The following RGPD8 variants were observed in gnomAD, a reference collection of about 807,000 sequenced individuals.
RGPD8 encodes the protein RANBP2 like and GRIP domain containing 8, also known as RANBP2-like and GRIP domain-containing protein 8.
In RGPD8, 15 loss-of-function variants were observed where a neutral mutation model predicts 89.1. That is an observed-to-expected ratio of 0.17 (90% CI 0.11 to 0.26). RGPD8 has a LOEUF of 0.26. Ranked by LOEUF, RGPD8 falls within the 10% of genes least tolerant of loss-of-function variation. RGPD8 has a pLI of 1.00. For synonymous variants in RGPD8, 62 were observed against 420.9 expected (o/e 0.15, Z 10.44); for missense variants, 178 against 1,179.6 (o/e 0.15, Z 12.44).
chr2:112,423,689 G>A (rs1167950559), intron 2 of RGPD8, among the ~76,000 whole-genome samples: 1 of 147,042 alleles, frequency 6.8e-6, no homozygotes, highest in Non-Finnish European at 1.5e-5. Context: ...GCCGGAGCAA[G>A]AGAGACAGAT....
intron 6 of RGPD8, among the ~76,000 whole-genome samples, chr2:112,415,950 C>CCTA (rs1679388266): frequency 6.6e-6 from 1 of 152,144 alleles, no homozygotes; most frequent in Non-Finnish European, 1.5e-5. Flanking sequence ...ATTAGCTGGG[C>CCTA]GTAGTGGTGT....
At chr2:112,405,506 GA>G (rs746932416) in intron 8 of RGPD8, among the ~76,000 whole-genome samples, 14 of 70 alleles carry the variant, frequency 0.2, no homozygotes, top group East Asian at 0.4. Context: ...AAGGAAAAGA[GA>G]AAAGGGAAAA....
chr2:112,370,961 T>C (rs1184826062), intron 22 of RGPD8, among the ~76,000 whole-genome samples: 1 of 149,896 alleles, frequency 6.7e-6, no homozygotes, highest in African/African-American at 2.4e-5. Flanking sequence ...TGAATCAATG[T>C]CTGTTCTTGA....
intron 19 of RGPD8, among the ~76,000 whole-genome samples, chr2:112,390,559 G>A (rs1359518950): frequency 7.0e-6 from 1 of 143,202 alleles, no homozygotes; most frequent in African/African-American, 2.6e-5. Context: ...ATAAGCAGAA[G>A]AGCAAGGGTC....
At chr2:112,390,560 A>G (rs1678658890) in intron 19 of RGPD8, among the ~76,000 whole-genome samples, 1 of 143,398 alleles carries the variant, frequency 7.0e-6, no homozygotes, top group African/African-American at 2.6e-5. Flanking sequence ...TAAGCAGAAG[A>G]GCAAGGGTCT....
chr2:112,431,078 C>G (rs967948744), intron 1 of RGPD8, among the ~76,000 whole-genome samples: 3 of 152,096 alleles, frequency 2.0e-5, no homozygotes, highest in Admixed American at 1.3e-4. Flanking sequence ...ATGGTGAAAC[C>G]CAGTCTCTAC....
chr2:112,429,593 G>C lies in RGPD8; in HGVS notation c.72+3789C>G, dbSNP rs529781754. Among the ~76,000 whole-genome samples the C allele has an allele frequency of 5.0e-3, 757 of 152,018 alleles. 2 individuals are homozygous for C. Among genetic ancestry groups the C allele is most frequent in the Non-Finnish European group, 8.4e-3 (573 of 67,976 alleles). On this transcript the variant is annotated intron_variant, in intron 1 of 22. Coordinates refer to ENST00000302558, the MANE Select transcript of RGPD8 (RefSeq NM_001164463.1). ...CCTGCCTGTAGTCCTAAGTACTCAG[G>C]AAACAGAGGTAGGAGGATCATTTAC... is the stretch of plus-strand genomic sequence containing the variant.
intron 1 of RGPD8, among the ~76,000 whole-genome samples, chr2:112,426,113 C>T (rs1679758199): frequency 6.6e-6 from 1 of 151,942 alleles, no homozygotes; most frequent in Non-Finnish European, 1.5e-5. Flanking sequence ...AGTATATGAT[C>T]TTTTTTCTTT....
At chr2:112,429,178 T>A (rs2104405016) in intron 1 of RGPD8, among the ~76,000 whole-genome samples, 2 of 151,730 alleles carry the variant, frequency 1.3e-5, no homozygotes, top group Middle Eastern at 3.5e-3. Flanking sequence ...CCCAGCACTT[T>A]GGGAGGCTGA....
At chr2:112,408,822 C>G (rs1679050984) in intron 7 of RGPD8, among the ~76,000 whole-genome samples, 1 of 151,868 alleles carries the variant, frequency 6.6e-6, no homozygotes, top group African/African-American at 2.4e-5. Context: ...CAGGCACCCG[C>G]CACCATGCGT....
At chr2:112,382,691 G>C in intron 20 of RGPD8, among the ~76,000 whole-genome samples, 1 of 144,424 alleles carries the variant, frequency 6.9e-6, no homozygotes, top group Non-Finnish European at 1.5e-5. Context: ...AAAATCTATT[G>C]ATTCGGCCTT....
chr2:112,387,839 G>A (rs1678517208), intron 20 of RGPD8, among the ~76,000 whole-genome samples, 185 bp downstream of exon 20: 2 of 145,542 alleles, frequency 1.4e-5, no homozygotes, highest in South Asian at 2.3e-4. Context: ...CTTTAACTAA[G>A]TTCTCTTGCT....
intron 1 of RGPD8, chr2:112,432,417 G>C (rs1312885069): frequency 2.2e-6 from 2 of 907,586 alleles, no homozygotes; most frequent in African/African-American, 3.6e-5. Flanking sequence ...GAGTGGAGTG[G>C]AGCTGGACCC....
intron 4 of RGPD8, among the ~76,000 whole-genome samples, chr2:112,419,239 CTACT>C (rs1486737762): frequency 2.4e-5 from 1 of 40,860 alleles, no homozygotes; most frequent in African/African-American, 9.5e-5. Context: ...TTTACCTTAC[CTACT>C]TAAACTCGTC....
chr2:112,432,940 C>T (rs905020536), intron 1 of RGPD8, among the ~76,000 whole-genome samples: 1 of 145,082 alleles, frequency 6.9e-6, no homozygotes, highest in African/African-American at 2.5e-5. Flanking sequence ...TGACCCCTGA[C>T]CCATCGAGGC....
chr2:112,415,179 C>T (rs1174753438), intron 6 of RGPD8, among the ~76,000 whole-genome samples: 22 of 151,700 alleles, frequency 1.5e-4, no homozygotes, highest in Non-Finnish European at 5.9e-5. Context: ...GTCAGGAGAT[C>T]GAGACCATCC....
At chr2:112,426,507 C>A in intron 1 of RGPD8, among the ~76,000 whole-genome samples, 1 of 149,006 alleles carries the variant, frequency 6.7e-6, no homozygotes, top group Non-Finnish European at 1.5e-5. Flanking sequence ...TAAGTAAAAC[C>A]ACGTAAGGCA....
chr2:112,370,088 A>T lies in RGPD8; in HGVS notation c.*90T>A. 2.2e-6 allele frequency: 2 copies of T among 924,566 alleles called. No individual in the cohort carries two copies. The highest frequency in any genetic ancestry group is 3.2e-6 in the Non-Finnish European group (2 of 627,794). 57.3% of individuals were successfully genotyped at this position (924,566 alleles called of 1,614,324 possible). ...AAAAGAATAATGGTAACACACACGA[A>T]CCATTTTTGTAAACAGATTCTATTT... On this transcript the variant is annotated 3_prime_UTR_variant, in exon 23 of 23. Transcript: ENST00000302558.
Position 112,433,442 on chromosome 2 carries a change from G to C in RGPD8, c.12C>G (p.Ser4Arg), listed in dbSNP as rs1680155755. The change falls in exon 1 of 23, where the codon AGC (serine) becomes AGG (arginine). Residue 4 changes from serine (S) to arginine (R), a missense_variant. By Grantham distance (110) the Ser-to-Arg change is moderately radical. Coordinates refer to ENST00000302558, the MANE Select transcript of RGPD8 (RefSeq NM_001164463.1). MRR[S>R]KADVERYVAS... ...CGACGTACCGCTCCACATCGGCCTT[G>C]CTGCGCCTCATCGCGCCGCCAACCT... is the stretch of plus-strand genomic sequence containing the variant. The C allele has an allele frequency of 1.2e-6, 2 of 1,608,692 alleles. No homozygotes were observed. The highest frequency in any genetic ancestry group is 1.7e-6 in the Non-Finnish European group (2 of 1,178,596).
Sources: gnomAD v4.1 joint callset for allele counts (sites outside exome capture counted in the v4.1 genomes callset) on GRCh38, gnomAD v4.1.1 for gene constraint, MANE v1.5 for transcripts, NCBI Gene and HGNC (gene_info 2026-07-23, HGNC 2026-07-21) for gene names.